Variants in TCEANC2 observed in about 807,000 individuals in gnomAD.
TCEANC2 encodes the protein transcription elongation factor A N-terminal and central domain-containing protein 2.
Under a neutral mutation model 22.8 loss-of-function variants are expected in TCEANC2, and 20 were observed. The observed-to-expected ratio is 0.88, with a 90% CI of 0.62 to 1.28. TCEANC2 has a LOEUF of 1.28. Among genes scored for constraint, TCEANC2 ranks in the 50% most tolerant of loss-of-function variants. The pLI is 0.00. For missense variants in TCEANC2, 251 were observed against 249.7 expected, an observed-to-expected ratio of 1.01 and a Z score of -0.03; for synonymous variants, 84 against 95.5, an observed-to-expected ratio of 0.88 and a Z score of 0.70.
chr1:54,076,461 TTCCA>T (rs1437731368), intron 3 of TCEANC2, among the ~76,000 whole-genome samples: 1 of 152,218 alleles, frequency 6.6e-6, no homozygotes, highest in East Asian at 1.9e-4. Context: ...CTACATAGTA[TTCCA>T]TGGTGTATCT....
chr1:54,071,951 G>A (rs929725062), intron 3 of TCEANC2, among the ~76,000 whole-genome samples: 1 of 151,818 alleles, frequency 6.6e-6, no homozygotes, highest in Non-Finnish European at 1.5e-5. Context: ...AGGTAGGACT[G>A]CGGGTATGCA....
intron 3 of TCEANC2, among the ~76,000 whole-genome samples, chr1:54,084,147 G>T (rs1658295347): frequency 6.6e-6 from 1 of 151,972 alleles, no homozygotes; most frequent in Non-Finnish European, 1.5e-5. Context: ...TGAGTAGCTG[G>T]AATTATAGGC....
In TCEANC2 at chr1:54,100,849, AT is replaced by A. The variant is rs1290646711; in HGVS notation, c.*4379del. 1 of 152,238 alleles carries A rather than the reference AT, an allele frequency of 6.6e-6. No homozygotes were observed. Among genetic ancestry groups the A allele is most frequent in the African/African-American group, 2.4e-5 (1 of 41,450 alleles). The allele number at this position is 152,238 out of a possible 1,614,324, so 9.4% of individuals were successfully genotyped here. ...CTAATCAGATGTGTGTTTTAAAAAG[AT>A]TTAAAAAACAAAAACAAAAACAGAT... On this transcript the variant is annotated 3_prime_UTR_variant, in exon 5 of 5. Coordinates refer to ENST00000234827, the MANE Select transcript of TCEANC2 (RefSeq NM_153035.3).
At chr1:54,111,602 C>A (rs770659222) in exon 5 of TCEANC2, 1 of 152,250 alleles carries the variant, frequency 6.6e-6, no homozygotes, top group African/African-American at 2.4e-5. Context: ...GAGGCCTAAA[C>A]ACTTGATGAT....
At chr1:54,088,504 C>T in intron 3 of TCEANC2, 93 bp from the exon 4 acceptor site, 1 of 1,024,246 alleles carries the variant, frequency 9.8e-7, no homozygotes, top group Non-Finnish European at 1.4e-6. Context: ...GTGTGAATGA[C>T]TTTCTCAGTG....
At chr1:54,074,016 G>A (rs1322373361) in intron 3 of TCEANC2, among the ~76,000 whole-genome samples, 2 of 152,162 alleles carry the variant, frequency 1.3e-5, no homozygotes, top group Non-Finnish European at 2.9e-5. Context: ...TGGAGGTGGA[G>A]GGAATAATAA....
At chr1:54,089,632 C>T (rs1378019877) in intron 4 of TCEANC2, among the ~76,000 whole-genome samples, 2 of 152,156 alleles carry the variant, frequency 1.3e-5, no homozygotes, top group Non-Finnish European at 2.9e-5. Context: ...CCTTAAAGAA[C>T]AATTTAATAT....
chr1:54,108,362 T>C (rs1434392064), downstream of TCEANC2, among the ~76,000 whole-genome samples: 2 of 152,160 alleles, frequency 1.3e-5, no homozygotes, highest in Non-Finnish European at 2.9e-5. Context: ...GTGACTGTAT[T>C]TGGAGATAGG....
chr1:54,058,614 A>G (rs955629914), intron 2 of TCEANC2, among the ~76,000 whole-genome samples: 1 of 152,106 alleles, frequency 6.6e-6, no homozygotes, highest in African/African-American at 2.4e-5. Context: ...CCTGCTTTAT[A>G]TGTACGCATT....
At chr1:54,067,054 G>A (rs1331040393) in intron 2 of TCEANC2, among the ~76,000 whole-genome samples, 4 of 152,192 alleles carry the variant, frequency 2.6e-5, no homozygotes, top group Admixed American at 6.5e-5. Flanking sequence ...AGAGTGCCAC[G>A]ATATTTTTTC....
intron 2 of TCEANC2, among the ~76,000 whole-genome samples, chr1:54,059,809 C>G (rs1052840479): frequency 6.6e-6 from 1 of 152,218 alleles, no homozygotes; most frequent in African/African-American, 2.4e-5. Context: ...CATCTGTATT[C>G]TGGCATGCCG....
Position 54,088,590 on chromosome 1 carries a change from G to A in TCEANC2, c.245-7G>A. 2 of 1,592,482 alleles carry A rather than the reference G, an allele frequency of 1.3e-6. No individual in the cohort carries two copies. Among genetic ancestry groups the A allele is most frequent in the East Asian group, 2.3e-5 (1 of 44,240 alleles). ...CCTTTCCTTTGGTTTTTCTCTTCCT[G>A]TTCCAGGTCACACTGTGAACAAGAT... On this transcript the variant is annotated splice_region_variant and splice_polypyrimidine_tract_variant and intron_variant, in intron 3 of 4. Transcript: ENST00000234827.
intron 2 of TCEANC2, among the ~76,000 whole-genome samples, chr1:54,067,322 C>T (rs914640747): frequency 6.6e-6 from 1 of 152,080 alleles, no homozygotes; most frequent in Non-Finnish European, 1.5e-5. Context: ...TAGGGAGAGC[C>T]TGTGGGAGGT....
chr1:54,091,600 G>A (rs780711770), intron 4 of TCEANC2, among the ~76,000 whole-genome samples: 2 of 152,104 alleles, frequency 1.3e-5, no homozygotes, highest in Admixed American at 6.6e-5. Context: ...CAGCCTAAAG[G>A]TGCATCTCTT....
chr1:54,064,526 G>A (rs1657912148), intron 2 of TCEANC2, among the ~76,000 whole-genome samples: 1 of 152,098 alleles, frequency 6.6e-6, no homozygotes, highest in Admixed American at 6.5e-5. Context: ...CAACCAGTAT[G>A]ATTGGTTGTG....
chr1:54,067,394 C>T lies in TCEANC2; in HGVS notation c.103-1362C>T, dbSNP rs1189212665. ...GATGGCTGGCAGAAGGAGACAGTGCCCACAGTATGGGAACTCAACAGTGGG... is the reference window on the plus strand; with the variant it reads ...GATGGCTGGCAGAAGGAGACAGTGCTCACAGTATGGGAACTCAACAGTGGG... On this transcript the variant is annotated intron_variant, in intron 2 of 4. Transcript: ENST00000234827. 4.6e-5 allele frequency among the ~76,000 whole-genome samples: 7 copies of T among 152,072 alleles called. No homozygotes were observed. In the East Asian group the frequency reaches 7.7e-4, roughly 17 times the overall value.
At chr1:54,078,636 T>A (rs956748287) in intron 3 of TCEANC2, among the ~76,000 whole-genome samples, 2 of 152,136 alleles carry the variant, frequency 1.3e-5, no homozygotes, top group African/African-American at 2.4e-5. Flanking sequence ...AGGTTGGAGA[T>A]GTGGGATTCA....
chr1:54,078,116 A>G (rs1658174011), intron 3 of TCEANC2, among the ~76,000 whole-genome samples: 1 of 152,146 alleles, frequency 6.6e-6, no homozygotes, highest in African/African-American at 2.4e-5. Context: ...CATAGAATGA[A>G]TTGTTTTCCA....
chr1:54,096,014 C>T lies in TCEANC2; in HGVS notation c.439-271C>T, dbSNP rs145048174. Among the ~76,000 whole-genome samples, 1 of 152,250 alleles carries T rather than the reference C, an allele frequency of 6.6e-6. No homozygotes were observed. The highest frequency in any genetic ancestry group is 2.4e-5 in the African/African-American group (1 of 41,538). On this transcript the variant is annotated intron_variant, in intron 4 of 4. Coordinates refer to ENST00000234827, the MANE Select transcript of TCEANC2 (RefSeq NM_153035.3). This position sits in a 1 kb window ranked among gnomAD's most constrained non-coding sequence, Gnocchi z 4.9. ...TTCCTGGTTGGTAAAGTACAGGGCC[C>T]AGTACCCGTTGCTTAGTTCAGGCCA...
Sources: allele counts gnomAD v4.1 joint callset (sites outside exome capture counted in the v4.1 genomes callset), GRCh38; gene constraint gnomAD v4.1.1; non-coding constraint Gnocchi (gnomAD v3.1); transcripts MANE v1.5; gene names NCBI Gene and HGNC (gene_info 2026-07-23, HGNC 2026-07-21).